Variants in LPCAT1 observed in about 807,000 individuals in gnomAD.
The protein encoded by LPCAT1 is lysophosphatidylcholine acyltransferase 1.
LPCAT1 carries 23 observed loss-of-function variants against 60.9 expected under a neutral mutation model. The ratio of observed to expected loss-of-function variants is 0.38; its 90% CI spans 0.27 to 0.53. LPCAT1 has a LOEUF of 0.53. Ranked by LOEUF, LPCAT1 falls within the 20% of genes least tolerant of loss-of-function variation. The pLI, the probability that LPCAT1 is intolerant of heterozygous loss-of-function variation, is 0.82. For missense variants in LPCAT1, 622 were observed against 723.6 expected, an observed-to-expected ratio of 0.86 and a Z score of 1.61; for synonymous variants, 340 against 301.1, an observed-to-expected ratio of 1.13 and a Z score of -1.34.
Position 1,506,720 on chromosome 5 carries a change from G to A in LPCAT1, c.136-5117C>T, listed in dbSNP as rs972881065. ...GAACAATGGCCTTCTAAGGAAAGGG[G>A]GCTGGCAGTGCGGTCTCCCAGGCAG... is the stretch of plus-strand genomic sequence containing the variant. On this transcript the variant is annotated intron_variant, in intron 1 of 13. Coordinates refer to ENST00000283415, the MANE Select transcript of LPCAT1 (RefSeq NM_024830.5). 1.0e-3 allele frequency among the ~76,000 whole-genome samples: 152 copies of A among 152,362 alleles called. 1 individual carries two copies. The highest frequency in any genetic ancestry group is 7.3e-5 in the Non-Finnish European group (5 of 68,042).
At chr5:1,464,981 AAAC>A (rs1303971835) in intron 13 of LPCAT1, among the ~76,000 whole-genome samples, 3 of 150,004 alleles carry the variant, frequency 2.0e-5, no homozygotes, top group South Asian at 2.1e-4. Context: ...CACACATACA[AAAC>A]AAGTGCAGGC....
At chr5:1,463,920 G>A (rs543303584) in intron 13 of LPCAT1, 85 bp from the exon 14 acceptor site, 1 of 1,426,094 alleles carries the variant, frequency 7.0e-7, no homozygotes, top group Non-Finnish European at 9.7e-7. Context: ...CGGCCCTGGT[G>A]GGTGTCCACC....
chr5:1,491,687 TTGCCAGCAAGAAGGTGACAGCGTTC>T (rs1285885840), intron 3 of LPCAT1, among the ~76,000 whole-genome samples: 1 of 152,178 alleles, frequency 6.6e-6, no homozygotes, highest in East Asian at 1.9e-4. Flanking sequence ...CTGGCGCATT[TTGCCAGCAAGAAGGTGACAGCGTTC>T]TGCCGTCTTT....
At chr5:1,465,227 CAA>C (rs971758047) in intron 13 of LPCAT1, among the ~76,000 whole-genome samples, 4 of 146,616 alleles carry the variant, frequency 2.7e-5, no homozygotes, top group African/African-American at 1.0e-4. Flanking sequence ...TGCACACACA[CAA>C]AACAAGCACA....
At chr5:1,478,693 C>T (rs944754953) in intron 8 of LPCAT1, among the ~76,000 whole-genome samples, 3 of 152,262 alleles carry the variant, frequency 2.0e-5, no homozygotes, top group East Asian at 1.9e-4. Flanking sequence ...GGCTGAAAGC[C>T]GGGCTTATCA....
intron 2 of LPCAT1, among the ~76,000 whole-genome samples, chr5:1,501,179 G>T (rs778663960): frequency 2.0e-5 from 3 of 152,202 alleles, no homozygotes; most frequent in Non-Finnish European, 4.4e-5. Context: ...CGGTGTAGGG[G>T]GGTCTCTGTG....
chr5:1,510,650 C>T (rs1197606344), intron 1 of LPCAT1: 1 of 152,384 alleles, frequency 6.6e-6, no homozygotes, highest in Non-Finnish European at 1.5e-5. Flanking sequence ...CCCCCATCAA[C>T]ACCCAACCAG....
rs1371668654 is a variant in LPCAT1 at position 1,495,039 on chromosome 5, C to T, written c.279-125G>A. Reference sequence around the variant, plus strand: ...GTCCAGGCCACGGGCTTCCTGTGGTCGCCGCCGCTGGGACATCTGCTTGAG... The same window carrying T: ...GTCCAGGCCACGGGCTTCCTGTGGTTGCCGCCGCTGGGACATCTGCTTGAG... On this transcript the variant is annotated intron_variant, in intron 2 of 13. Coordinates refer to ENST00000283415, the MANE Select transcript of LPCAT1 (RefSeq NM_024830.5). This position sits in a 1 kb window ranked among gnomAD's most constrained non-coding sequence, Gnocchi z 4.7. 9.6e-6 allele frequency: 8 copies of T among 836,004 alleles called. No homozygotes were observed. Among genetic ancestry groups the T allele is most frequent in the South Asian group, 3.6e-5 (2 of 55,800 alleles). 51.8% of individuals were successfully genotyped at this position (836,004 alleles called of 1,614,324 possible). A position where few individuals can be genotyped will look rare whatever the true frequency, so the allele number is the denominator to read the frequency against.
At chr5:1,504,060 C>T (rs1736108781) in intron 1 of LPCAT1, among the ~76,000 whole-genome samples, 1 of 152,224 alleles carries the variant, frequency 6.6e-6, no homozygotes, top group Non-Finnish European at 1.5e-5. Flanking sequence ...ATTAGTTCCT[C>T]TTTCTTCTGC....
At chr5:1,493,286 G>A (rs972692617) in intron 3 of LPCAT1, among the ~76,000 whole-genome samples, 6 of 152,184 alleles carry the variant, frequency 3.9e-5, no homozygotes, top group Non-Finnish European at 8.8e-5. Flanking sequence ...GACACCTTCC[G>A]GCTGCTGCAG....
In LPCAT1 at chr5:1,481,302, G is replaced by A. The variant is rs1398554229; in HGVS notation, c.727-326C>T. On this transcript the variant is annotated intron_variant, in intron 6 of 13. Transcript: ENST00000283415. This position sits in a 1 kb window ranked among gnomAD's most constrained non-coding sequence, Gnocchi z 7.8. ...GGTTCCCAGAGCCCCTAGAACCTGG[G>A]AAAAGGGTCCTCCCTCCCTCCATGC... Among the ~76,000 whole-genome samples the A allele has an allele frequency of 2.6e-5, 4 of 152,182 alleles. No homozygotes were observed. Among genetic ancestry groups the A allele is most frequent in the African/African-American group, 9.7e-5 (4 of 41,444 alleles).
intron 1 of LPCAT1, among the ~76,000 whole-genome samples, chr5:1,511,156 C>T (rs1023625466): frequency 6.6e-5 from 10 of 152,224 alleles, no homozygotes; most frequent in Non-Finnish European, 1.3e-4. Flanking sequence ...CTCATGCCCA[C>T]GCAGGCCTTT....
At chr5:1,499,768 C>T (rs545718506) in intron 2 of LPCAT1, among the ~76,000 whole-genome samples, 77 of 152,330 alleles carry the variant, frequency 5.1e-4, no homozygotes, top group South Asian at 1.2e-3. Context: ...CTGCACGCAA[C>T]GGTGCGGCAA....
rs1187028736 is a variant in LPCAT1, at chr5:1,521,360, C to T, written c.135+2350G>A. The stretch of plus-strand genomic sequence containing the variant: ...GCAGGTACTCACTGGTTTATCTCAA[C>T]TGGGAACTTAGCTGGGTTTCTGCGG... On this transcript the variant is annotated intron_variant, in intron 1 of 13. Coordinates refer to ENST00000283415, the MANE Select transcript of LPCAT1 (RefSeq NM_024830.5). The surrounding 1 kb of genome is among the most constrained non-coding windows in gnomAD (Gnocchi z 4.3). 4 of 985,476 alleles carry T rather than the reference C, an allele frequency of 4.1e-6. No individual in the cohort carries two copies. The highest frequency in any genetic ancestry group is 4.7e-5 in the South Asian group (1 of 21,288). 61.0% of individuals were successfully genotyped at this position (985,476 alleles called of 1,614,324 possible).
chr5:1,466,947 C>A, intron 12 of LPCAT1, 57 bp from the exon 13 acceptor site: 1 of 1,457,506 alleles, frequency 6.9e-7, no homozygotes. Flanking sequence ...CCAGGCCCCG[C>A]TGTCCAGGGA....
intron 3 of LPCAT1, among the ~76,000 whole-genome samples, chr5:1,491,236 G>A (rs548584513): frequency 1.3e-5 from 2 of 152,096 alleles, no homozygotes; most frequent in African/African-American, 4.8e-5. Flanking sequence ...GAAGAATGGC[G>A]GAGTCGTCTC....
intron 3 of LPCAT1, among the ~76,000 whole-genome samples, chr5:1,491,699 A>G (rs1270760813): frequency 1.3e-5 from 2 of 152,200 alleles, no homozygotes; most frequent in Non-Finnish European, 2.9e-5. Context: ...GCCAGCAAGA[A>G]GGTGACAGCG....
chr5:1,486,664 C>T (rs571401047), intron 5 of LPCAT1, among the ~76,000 whole-genome samples: 3 of 152,236 alleles, frequency 2.0e-5, no homozygotes, highest in Non-Finnish European at 2.9e-5. Context: ...CACCACGAGG[C>T]GTCAGGATCA....
chr5:1,489,704 G>A (rs754332609), intron 4 of LPCAT1, 42 bp downstream of exon 4: 17 of 1,419,564 alleles, frequency 1.2e-5, no homozygotes, highest in African/African-American at 2.8e-5. Context: ...CGCATCTTTC[G>A]GAATAAAACC....
Sources: gnomAD v4.1 joint callset for allele counts (sites outside exome capture counted in the v4.1 genomes callset) on GRCh38, gnomAD v4.1.1 for gene constraint, Gnocchi (gnomAD v3.1) non-coding constraint, MANE v1.5 for transcripts, NCBI Gene and HGNC (gene_info 2026-07-23, HGNC 2026-07-21) for gene names.